USP53: variants seen among roughly 807,000 people sequenced by gnomAD.
USP53 encodes the protein ubiquitin specific peptidase 53.
In USP53, 71 loss-of-function variants were observed where a neutral mutation model predicts 94.9. The observed-to-expected ratio is 0.75, with a 90% CI of 0.62 to 0.91. The LOEUF (loss-of-function observed/expected upper bound fraction) is 0.91, where lower values mean the gene tolerates loss of function less well. Among genes scored for constraint, USP53 ranks in the 40% least tolerant of loss-of-function variants. The probability of loss-of-function intolerance (pLI) is 0.00; values close to 1 mark genes in which losing one functional copy is unlikely to be tolerated. For synonymous variants in USP53, 375 were observed against 422.7 expected, an observed-to-expected ratio of 0.89 and a Z score of 1.39; for missense variants, 1,173 against 1,281.0, an observed-to-expected ratio of 0.92 and a Z score of 1.29.
chr4:119,250,778 C>A (rs1748868516), intron 7 of USP53, among the ~76,000 whole-genome samples: 1 of 152,108 alleles, frequency 6.6e-6, no homozygotes, highest in Admixed American at 6.5e-5. Flanking sequence ...CCTTATTGAT[C>A]TATATTGTAA....
At chr4:119,221,252 A>G (rs1744469069) in intron 3 of USP53, 1 of 152,110 alleles carries the variant, frequency 6.6e-6, no homozygotes, top group Non-Finnish European at 1.5e-5. Context: ...TTAGAAAATC[A>G]AAACTGTTGT....
At chr4:119,249,628 T>C (rs1273786912) in intron 7 of USP53, among the ~76,000 whole-genome samples, 2 of 151,838 alleles carry the variant, frequency 1.3e-5, no homozygotes, top group Non-Finnish European at 2.9e-5. Context: ...AGCCTCCTAT[T>C]GGTGTCCATT....
At chr4:119,236,705 C>T (rs1407992565) in intron 4 of USP53, among the ~76,000 whole-genome samples, 1 of 152,226 alleles carries the variant, frequency 6.6e-6, no homozygotes, top group Non-Finnish European at 1.5e-5. Context: ...GCAATTCAGT[C>T]ACATCTTCAC....
intron 5 of USP53, among the ~76,000 whole-genome samples, chr4:119,244,910 C>T (rs926153942): frequency 6.6e-6 from 1 of 152,146 alleles, no homozygotes; most frequent in African/African-American, 2.4e-5. Flanking sequence ...TGTGCAGACC[C>T]CAATTTAGTA....
At chr4:119,231,009 T>A (rs941032028) in intron 3 of USP53, among the ~76,000 whole-genome samples, 2 of 152,022 alleles carry the variant, frequency 1.3e-5, no homozygotes, top group Admixed American at 1.3e-4. Context: ...AGTCAGTAGG[T>A]CAAGTCAAGT....
chr4:119,248,697 A>C (rs749336469), intron 6 of USP53, 51 bp from the exon 7 acceptor site: 2 of 1,577,802 alleles, frequency 1.3e-6, no homozygotes, highest in Non-Finnish European at 1.7e-6. Context: ...AAATTACTGA[A>C]ATGTCGTTAA....
At chr4:119,286,103 TA>T (rs1432811435) in intron 17 of USP53, among the ~76,000 whole-genome samples, 3 of 151,974 alleles carry the variant, frequency 2.0e-5, no homozygotes, top group Admixed American at 2.0e-4. Flanking sequence ...AATTTATCCA[TA>T]AATATTTATC....
intron 17 of USP53, among the ~76,000 whole-genome samples, chr4:119,283,686 A>G (rs889975255): frequency 6.6e-6 from 1 of 151,934 alleles, no homozygotes; most frequent in Non-Finnish European, 1.5e-5. Context: ...TGTATTTGGG[A>G]TGTATACAAC....
intron 7 of USP53, among the ~76,000 whole-genome samples, chr4:119,253,172 G>T (rs1749273089): frequency 6.6e-6 from 1 of 152,084 alleles, no homozygotes; most frequent in Non-Finnish European, 1.5e-5. Context: ...TAGATTAGGT[G>T]CTGCGAAGAA....
At chr4:119,227,592 C>T (rs1745479018) in intron 3 of USP53, among the ~76,000 whole-genome samples, 1 of 152,184 alleles carries the variant, frequency 6.6e-6, no homozygotes, top group Non-Finnish European at 1.5e-5. Flanking sequence ...GATCGCGCCA[C>T]TGCACTCCAG....
intron 17 of USP53, among the ~76,000 whole-genome samples, chr4:119,284,119 T>G (rs1753822672): frequency 2.4e-5 from 2 of 82,684 alleles, no homozygotes; most frequent in South Asian, 7.4e-4. Context: ...AGGGGAAGAG[T>G]GTCCATAGAT....
intron 5 of USP53, among the ~76,000 whole-genome samples, chr4:119,243,719 G>T (rs1313547448): frequency 6.6e-6 from 1 of 152,078 alleles, no homozygotes; most frequent in Non-Finnish European, 1.5e-5. Flanking sequence ...GTTACATTTG[G>T]AAGACTTCAC....
chr4:119,234,888 A>T (rs1746526756), intron 3 of USP53, among the ~76,000 whole-genome samples: 1 of 152,206 alleles, frequency 6.6e-6, no homozygotes, highest in Non-Finnish European at 1.5e-5. Context: ...GAGGTTCCGC[A>T]TCCCACAAAC....
At chr4:119,271,194 C>T in intron 15 of USP53, 102 bp from the exon 16 acceptor site, 1 of 1,470,906 alleles carries the variant, frequency 6.8e-7, no homozygotes, top group Non-Finnish European at 9.0e-7. Flanking sequence ...TTACTATTTA[C>T]CTAAAACTCT....
intron 3 of USP53, among the ~76,000 whole-genome samples, chr4:119,231,538 T>C (rs1185436715): frequency 6.6e-6 from 1 of 152,162 alleles, no homozygotes; most frequent in Non-Finnish European, 1.5e-5. Flanking sequence ...GAAGCAGCTT[T>C]CAAGTACTGT....
chr4:119,293,341 C>A lies in USP53; in HGVS notation c.*130C>A. 9.4e-7 allele frequency: 1 copy of A among 1,063,368 alleles called. No homozygotes were observed. Among genetic ancestry groups the A allele is most frequent in the Non-Finnish European group, 1.3e-6 (1 of 765,132 alleles). 65.9% of individuals were successfully genotyped at this position (1,063,368 alleles called of 1,614,324 possible). A position where few individuals can be genotyped will look rare whatever the true frequency, so the allele number is the denominator to read the frequency against. On this transcript the variant is annotated 3_prime_UTR_variant, in exon 19 of 19. Coordinates refer to ENST00000692078, the MANE Select transcript of USP53 (RefSeq NM_001371395.1). ...CTGACCAACTTTTACTTCTCAGAGG[C>A]CATTTAAATATAATAGGAACCTACT...
chr4:119,272,320 A>G (rs780812496), intron 16 of USP53: 1 of 240,348 alleles, frequency 4.2e-6, no homozygotes, highest in Non-Finnish European at 8.0e-6. Flanking sequence ...ACAGAAGTTT[A>G]TTATCATTGT....
intron 17 of USP53, among the ~76,000 whole-genome samples, chr4:119,284,920 G>T (rs1464407517): frequency 2.0e-5 from 3 of 151,864 alleles, no homozygotes; most frequent in Admixed American, 6.6e-5. Context: ...GAGAAGTAAA[G>T]AAATGAATTT....
At chr4:119,220,298 A>G (rs1744339686) in intron 3 of USP53, 1 of 152,112 alleles carries the variant, frequency 6.6e-6, no homozygotes, top group Non-Finnish European at 1.5e-5. Flanking sequence ...AAAGAGGGAA[A>G]TTGCTGAGTT....
Sources: gnomAD v4.1 joint callset for allele counts (sites outside exome capture counted in the v4.1 genomes callset) on GRCh38, gnomAD v4.1.1 for gene constraint, MANE v1.5 for transcripts, NCBI Gene and HGNC (gene_info 2026-07-23, HGNC 2026-07-21) for gene names.